The following EXT2 variants were observed in gnomAD, a reference collection of about 807,000 sequenced individuals.
EXT2 encodes the protein exostosin glycosyltransferase 2.
Under a neutral mutation model 81.6 loss-of-function variants are expected in EXT2, and 53 were observed. That is an observed-to-expected ratio of 0.65 (90% CI 0.52 to 0.82). EXT2 has a LOEUF of 0.82. EXT2 is among the 40% of genes least tolerant of loss of function. The probability of loss-of-function intolerance (pLI) is 0.00; values close to 1 mark genes in which losing one functional copy is unlikely to be tolerated. For synonymous variants in EXT2, 320 were observed against 340.0 expected (o/e 0.94, Z 0.65); for missense variants, 774 against 910.2 (o/e 0.85, Z 1.93).
At chr11:44,118,194 A>G (rs1268093532) in intron 4 of EXT2, among the ~76,000 whole-genome samples, 1 of 152,154 alleles carries the variant, frequency 6.6e-6, no homozygotes, top group Non-Finnish European at 1.5e-5. Context: ...CTTTGAAATG[A>G]GATTGCATCT....
At chr11:44,133,618 A>G (rs1954524985) in intron 7 of EXT2, among the ~76,000 whole-genome samples, 2 of 152,112 alleles carry the variant, frequency 1.3e-5, no homozygotes, top group South Asian at 4.1e-4. Context: ...GCCATGAGCC[A>G]CTCTGGTGCT....
At chr11:44,176,124 A>G (rs1023079809) in intron 8 of EXT2, among the ~76,000 whole-genome samples, 1 of 152,182 alleles carries the variant, frequency 6.6e-6, no homozygotes, top group African/African-American at 2.4e-5. Flanking sequence ...AAAATATTAC[A>G]TCTGTTCCTC....
In EXT2 at chr11:44,246,329, C is replaced by G. The variant is rs1308205320; in HGVS notation, c.*2042C>G. On this transcript the variant is annotated 3_prime_UTR_variant, in exon 14 of 14. Coordinates refer to ENST00000533608, the MANE Select transcript of EXT2 (RefSeq NM_207122.2). ...GCCCTTTTGCTCATCATCGAATGCA[C>G]TACCTTAGTGGCTGGTTTCTAATGC... 6.6e-6 allele frequency among the ~76,000 whole-genome samples: 1 copy of G among 152,198 alleles called. No homozygotes were observed. Among genetic ancestry groups the G allele is most frequent in the Non-Finnish European group, 1.5e-5 (1 of 68,036 alleles).
At chr11:44,139,619 C>A (rs1396103179) in intron 7 of EXT2, among the ~76,000 whole-genome samples, 1 of 152,114 alleles carries the variant, frequency 6.6e-6, no homozygotes, top group Non-Finnish European at 1.5e-5. Context: ...TCTTTCTAGC[C>A]AGCTCCATCC....
At chr11:44,112,575 T>A (rs1288483091) in intron 3 of EXT2, among the ~76,000 whole-genome samples, 1 of 152,200 alleles carries the variant, frequency 6.6e-6, no homozygotes, top group Non-Finnish European at 1.5e-5. Context: ...CAGAAGAAGA[T>A]ACAGTGCCTT....
Position 44,114,233 on chromosome 11 carries a change from C to A in EXT2, c.675C>A (p.Gly225=). ...GGFSTWTYRQ[G]YDVSIPVYSP... The stretch of plus-strand genomic sequence containing the variant: ...TTTCTACGTGGACTTACCGGCAAGG[C>A]TACGATGTCAGCATTCCTGTCTATA... Residue 225 remains glycine, a synonymous_variant, in exon 4 of 14, where the codon GGC becomes GGA. Transcript: ENST00000533608. 5 of 1,614,088 alleles carry A rather than the reference C, an allele frequency of 3.1e-6. No individual in the cohort carries two copies. The highest frequency in any genetic ancestry group is 4.2e-6 in the Non-Finnish European group (5 of 1,179,994).
At chr11:44,107,568 A>T (rs895531396) in intron 1 of EXT2, 115 bp from the exon 2 acceptor site, 1 of 941,050 alleles carries the variant, frequency 1.1e-6, no homozygotes, top group Non-Finnish European at 1.6e-6. Flanking sequence ...TGAGTGACAG[A>T]GTGAAACCCT....
intron 8 of EXT2, among the ~76,000 whole-genome samples, chr11:44,180,792 G>C (rs969115407): frequency 1.3e-5 from 2 of 152,086 alleles, no homozygotes; most frequent in Admixed American, 1.3e-4. Flanking sequence ...TACATTTTCT[G>C]TCACCTTACA....
At chr11:44,102,233 G>T (rs1265505127) in intron 1 of EXT2, among the ~76,000 whole-genome samples, 1 of 152,186 alleles carries the variant, frequency 6.6e-6, no homozygotes. Flanking sequence ...TAGGGCTGTT[G>T]AATATAGGGT....
chr11:44,239,314 G>A (rs1315994180), intron 13 of EXT2, among the ~76,000 whole-genome samples: 1 of 151,982 alleles, frequency 6.6e-6, no homozygotes, highest in Non-Finnish European at 1.5e-5. Flanking sequence ...CGTTAATGGG[G>A]ACAGGAGGTG....
At chr11:44,135,163 G>A (rs1396547548) in intron 7 of EXT2, among the ~76,000 whole-genome samples, 2 of 152,210 alleles carry the variant, frequency 1.3e-5, no homozygotes, top group African/African-American at 4.8e-5. Context: ...CTACAGAACA[G>A]TAAATGTGTG....
At chr11:44,138,414 A>G (rs1464144452) in intron 7 of EXT2, among the ~76,000 whole-genome samples, 1 of 152,170 alleles carries the variant, frequency 6.6e-6, no homozygotes, top group South Asian at 2.1e-4. Context: ...CCTAGTCTGC[A>G]GCTGGAACCT....
chr11:44,231,138 C>G (rs10466400), intron 10 of EXT2, among the ~76,000 whole-genome samples: 137,293 of 152,224 alleles, frequency 0.9, 61,990 homozygotes, highest in East Asian at 0.99. Flanking sequence ...AAGAATGGCA[C>G]GAAGGAGACA....
intron 4 of EXT2, among the ~76,000 whole-genome samples, chr11:44,119,169 T>TATATATATACACAC (rs1192115471): frequency 3.2e-5 from 2 of 63,130 alleles, no homozygotes; most frequent in East Asian, 5.7e-4. Flanking sequence ...TATATATATA[T>TATATATATACACAC]ACACATACAC....
chr11:44,133,881 G>C (rs1305827626), intron 7 of EXT2, among the ~76,000 whole-genome samples: 1 of 152,212 alleles, frequency 6.6e-6, no homozygotes, highest in Non-Finnish European at 1.5e-5. Context: ...AGTCCTTGTT[G>C]TGACGGGAAT....
chr11:44,219,040 A>G (rs969282408), intron 10 of EXT2, among the ~76,000 whole-genome samples: 3 of 151,860 alleles, frequency 2.0e-5, no homozygotes, highest in African/African-American at 7.3e-5. Flanking sequence ...ACCTCAGATG[A>G]TCTGCCCGCC....
At position 44,244,171 on chromosome 11, in the gene EXT2, G is replaced by T. The variant is rs771936445; in HGVS notation, c.2041G>T (p.Ala681Ser). Residue 681 changes from alanine (A) to serine (S), a missense_variant, in exon 14 of 14, where the codon GCT becomes TCT. Coordinates refer to ENST00000533608, the MANE Select transcript of EXT2 (RefSeq NM_207122.2). ...CAGGTCAGAGTGCATCAACAAGTTT[G>T]CTTCAGTCTTCGGGACCATGCCTCT... ...VERSECINKF[A>S]SVFGTMPLKV... is the part of the protein sequence containing the mutation. 1.2e-6 allele frequency: 2 copies of T among 1,613,950 alleles called. No homozygotes were observed. The highest frequency in any genetic ancestry group is 1.3e-5 in the African/African-American group (1 of 74,886).
intron 10 of EXT2, among the ~76,000 whole-genome samples, chr11:44,223,266 A>G (rs1257622144): frequency 1.3e-5 from 2 of 152,222 alleles, no homozygotes; most frequent in Non-Finnish European, 2.9e-5. Context: ...GGACTCAGCA[A>G]TTACACATTT....
chr11:44,109,211 A>G lies in EXT2; in HGVS notation c.554A>G (p.Asn185Ser). The G allele has an allele frequency of 3.7e-6, 6 of 1,614,104 alleles. No individual in the cohort carries two copies. The highest frequency in any genetic ancestry group is 5.1e-6 in the Non-Finnish European group (6 of 1,179,976). ...AQLSRWDRGT[N>S]HLLFNMLPGG... ...CTTGACAGGTGGGATCGAGGTACGA[A>G]TCACCTGTTGTTCAACATGTTGCCT... is the stretch of plus-strand genomic sequence containing the variant. The change falls in exon 3 of 14, where the codon AAT becomes AGT. Residue 185 changes from asparagine (N) to serine (S), a missense_variant. Around this residue, in one of 2 missense-constraint regions of EXT2, gnomAD observed 626 missense variants for 670.5 expected, o/e 0.93. Transcript: ENST00000533608.
Sources: allele counts gnomAD v4.1 joint callset (sites outside exome capture counted in the v4.1 genomes callset), GRCh38; gene constraint gnomAD v4.1.1; regional missense constraint gnomAD v4.1.1; transcripts MANE v1.5; gene names NCBI Gene and HGNC (gene_info 2026-07-23, HGNC 2026-07-21).